The following APP variants were observed in gnomAD, a reference collection of about 807,000 sequenced individuals.
The protein encoded by APP is amyloid-beta precursor protein.
Under a neutral mutation model 101.4 loss-of-function variants are expected in APP, and 31 were observed. The ratio of observed to expected loss-of-function variants is 0.31; its 90% CI spans 0.23 to 0.41. APP has a LOEUF of 0.41. Among genes scored for constraint, APP ranks in the 10% least tolerant of loss-of-function variants. APP has a pLI of 1.00. For missense variants in APP, 839 were observed against 1,003.7 expected (o/e 0.84, Z 2.22); for synonymous variants, 366 against 364.4 (o/e 1.00, Z -0.05).
At chr21:25,960,906 A>T (rs1050483785) in intron 11 of APP, among the ~76,000 whole-genome samples, 6 of 152,174 alleles carry the variant, frequency 3.9e-5, no homozygotes, top group Non-Finnish European at 8.8e-5. Flanking sequence ...TGAAAACAAA[A>T]TCAGATTACC....
rs201547994 is a variant in APP, at chr21:25,955,716, C to T, written c.1498G>A (p.Ala500Thr). Residue 500 changes from alanine (A) to threonine (T), a missense_variant, in exon 12 of 18, where the codon GCA (alanine) becomes ACA (threonine). Physicochemically the swap from Ala to Thr is moderately conservative, Grantham distance 58 (BLOSUM62 0). Coordinates refer to ENST00000346798, the MANE Select transcript of APP (RefSeq NM_000484.4). Reference sequence around the variant, plus strand: ...GTGTGCTGTCTGTCCTTCTGTTCTGCGCGGACATACTTCTTTAGCATATTG... The same window carrying T: ...GTGTGCTGTCTGTCCTTCTGTTCTGTGCGGACATACTTCTTTAGCATATTG... ...VFNMLKKYVR[A>T]EQKDRQHTLK... 19 of 1,614,024 alleles carry T rather than the reference C, an allele frequency of 1.2e-5. No homozygotes were observed. Among genetic ancestry groups the T allele is most frequent in the Admixed American group, 5.0e-5 (3 of 59,996 alleles).
At chr21:26,000,478 G>C (rs1461539174) in intron 6 of APP, among the ~76,000 whole-genome samples, 1 of 152,192 alleles carries the variant, frequency 6.6e-6, no homozygotes, top group Non-Finnish European at 1.5e-5. Context: ...TGAAATGACG[G>C]AAGGTATCTG....
intron 13 of APP, among the ~76,000 whole-genome samples, chr21:25,950,691 C>T (rs976750579): frequency 4.6e-5 from 7 of 151,732 alleles, no homozygotes; most frequent in African/African-American, 7.3e-5. Flanking sequence ...TGCATAGTTC[C>T]GAAAAGGAGG....
chr21:26,086,447 A>T (rs1351435175), intron 3 of APP, among the ~76,000 whole-genome samples: 1 of 152,188 alleles, frequency 6.6e-6, no homozygotes, highest in African/African-American at 2.4e-5. Context: ...CATCTGATAA[A>T]GAGGTTAGGA....
chr21:25,932,325 T>A (rs2040182096), intron 13 of APP, among the ~76,000 whole-genome samples: 1 of 144,542 alleles, frequency 6.9e-6, no homozygotes, highest in South Asian at 2.3e-4. Context: ...ATGCAGACAA[T>A]GGTGAAGTGA....
At chr21:26,014,568 C>T (rs906915004) in intron 6 of APP, among the ~76,000 whole-genome samples, 1 of 152,138 alleles carries the variant, frequency 6.6e-6, no homozygotes, top group African/African-American at 2.4e-5. Context: ...GCCAAAATTC[C>T]TTCCTAGGCA....
rs2037709275 is a variant in APP, at chr21:25,891,711, A to G, written c.2211+11T>C. 3 of 1,613,848 alleles carry G rather than the reference A, an allele frequency of 1.9e-6. No homozygotes were observed. Among genetic ancestry groups the G allele is most frequent in the Non-Finnish European group, 2.5e-6 (3 of 1,179,702 alleles). The stretch of plus-strand genomic sequence containing the variant: ...ATTCCCACTTGGAAACATGCAGTCA[A>G]GTTTACCTACCTCCACCACACCATG... On this transcript the variant is annotated intron_variant, in intron 17 of 17. Transcript: ENST00000346798.
chr21:26,083,378 T>G (rs2061636055), intron 3 of APP, among the ~76,000 whole-genome samples: 1 of 152,196 alleles, frequency 6.6e-6, no homozygotes, highest in African/African-American at 2.4e-5. Flanking sequence ...ATATTTAATT[T>G]CACAGGTAGA....
At chr21:26,120,420 G>A (rs2146234821) in intron 1 of APP, among the ~76,000 whole-genome samples, 1 of 152,168 alleles carries the variant, frequency 6.6e-6, no homozygotes, top group Admixed American at 6.5e-5. Context: ...CTCCTAAAGT[G>A]CTGGGATTAC....
intron 1 of APP, chr21:26,140,002 A>T: frequency 1.5e-6 from 1 of 652,800 alleles, no homozygotes; most frequent in Non-Finnish European, 2.7e-6. Context: ...GCCAAATTAA[A>T]TCATTACACC....
chr21:25,887,387 A>G (rs2829972), intron 17 of APP, among the ~76,000 whole-genome samples: 61,720 of 151,802 alleles, frequency 0.41, 12,536 homozygotes, highest in South Asian at 0.46. Context: ...ATAAAGGGCT[A>G]TTGCTTCACT....
chr21:26,078,938 C>T (rs2061544853), intron 3 of APP, among the ~76,000 whole-genome samples: 2 of 150,870 alleles, frequency 1.3e-5, no homozygotes, highest in African/African-American at 4.9e-5. Context: ...AGCTACTTGG[C>T]AGGCTTAGGC....
At chr21:25,894,698 T>C (rs1605086) in intron 16 of APP, among the ~76,000 whole-genome samples, 17,990 of 152,278 alleles carry the variant, frequency 0.12, 1,076 homozygotes, top group South Asian at 0.16. Flanking sequence ...TTTCTTGCAA[T>C]GGAATCTACT....
chr21:25,889,863 A>G (rs769762958), intron 17 of APP, among the ~76,000 whole-genome samples: 3 of 152,142 alleles, frequency 2.0e-5, no homozygotes, highest in Non-Finnish European at 4.4e-5. Context: ...CAAAGAAACA[A>G]CAACAACAAA....
At chr21:26,126,032 A>G (rs187712948) in intron 1 of APP, among the ~76,000 whole-genome samples, 5 of 152,350 alleles carry the variant, frequency 3.3e-5, no homozygotes, top group African/African-American at 4.8e-5. Flanking sequence ...TGTACAATCT[A>G]TATCTCGCCC....
Position 26,008,080 on chromosome 21 carries a change from T to A in APP, c.866-7898A>T, listed in dbSNP as rs534406613. The stretch of plus-strand genomic sequence containing the variant: ...AGTACAAGAGGATGGTGCTAATTTG[T>A]CACGGAAGTAACTAGAAGATATCCG... On this transcript the variant is annotated intron_variant, in intron 6 of 17. Coordinates refer to ENST00000346798, the MANE Select transcript of APP (RefSeq NM_000484.4). Among the ~76,000 whole-genome samples, 192 of 152,248 alleles carry A rather than the reference T, an allele frequency of 1.3e-3. 2 individuals carry two copies. Among genetic ancestry groups the A allele is most frequent in the South Asian group, 1.9e-3 (9 of 4,830 alleles).
At chr21:26,026,178 A>G (rs2044563986) in intron 5 of APP, among the ~76,000 whole-genome samples, 2 of 152,244 alleles carry the variant, frequency 1.3e-5, no homozygotes, top group East Asian at 3.8e-4. Context: ...ACAACTCACA[A>G]TAAAATAAAC....
chr21:26,079,237 T>C (rs2061551709), intron 3 of APP, among the ~76,000 whole-genome samples: 1 of 152,094 alleles, frequency 6.6e-6, no homozygotes, highest in African/African-American at 2.4e-5. Flanking sequence ...AAAAAGAACT[T>C]TGAAGAAAGT....
chr21:26,140,767 A>G (rs2146308030), intron 1 of APP, among the ~76,000 whole-genome samples: 1 of 152,340 alleles, frequency 6.6e-6, no homozygotes, highest in Non-Finnish European at 1.5e-5. Flanking sequence ...GAGTTTTGGT[A>G]CTAGTGTTAA....
Sources: gnomAD v4.1 joint callset for allele counts (sites outside exome capture counted in the v4.1 genomes callset) on GRCh38, gnomAD v4.1.1 for gene constraint, MANE v1.5 for transcripts, NCBI Gene and HGNC (gene_info 2026-07-23, HGNC 2026-07-21) for gene names.